Variants in SLC2A9 observed in about 807,000 individuals in gnomAD.
SLC2A9 encodes solute carrier family 2 member 9.
A neutral mutation model predicts 50.6 loss-of-function variants in SLC2A9; 39 were observed. That is an observed-to-expected ratio of 0.77 (90% CI 0.60 to 1.01). The LOEUF (loss-of-function observed/expected upper bound fraction) is 1.01. Among genes scored for constraint, SLC2A9 ranks in the 50% least tolerant of loss-of-function variants. SLC2A9 has a pLI of 0.00. For synonymous variants in SLC2A9, 324 were observed against 276.9 expected, an observed-to-expected ratio of 1.17 and a Z score of -1.69; for missense variants, 686 against 677.6, an observed-to-expected ratio of 1.01 and a Z score of -0.14.
Position 9,826,480 on chromosome 4 carries a change from A to G in SLC2A9, c.1540T>C (p.Phe514Leu). 1 of 1,614,042 alleles carries G rather than the reference A, an allele frequency of 6.2e-7. No homozygotes were observed. The highest frequency in any genetic ancestry group is 8.5e-7 in the Non-Finnish European group (1 of 1,179,972). ...NRTYAEISQA[F>L]SKRNKAYPPE... ...GGGTATGCTTTGTTCCTTTTGGAAA[A>G]TGCCTGGCTGATTTCTGCATAGGTT... The change falls in exon 12 of 12, where the codon TTT becomes CTT. Residue 514 changes from phenylalanine (F) to leucine (L), a missense_variant. Coordinates refer to ENST00000264784, the MANE Select transcript of SLC2A9 (RefSeq NM_020041.3).
intron 7 of SLC2A9, among the ~76,000 whole-genome samples, chr4:9,915,787 T>A (rs1742750607): frequency 1.3e-5 from 2 of 152,228 alleles, no homozygotes; most frequent in African/African-American, 4.8e-5. Flanking sequence ...TGAGATGGTC[T>A]CCACTTTTAT....
chr4:9,891,788 T>C (rs1007510570), intron 8 of SLC2A9, among the ~76,000 whole-genome samples: 1 of 152,120 alleles, frequency 6.6e-6, no homozygotes, highest in African/African-American at 2.4e-5. Context: ...TGTGGAGAGC[T>C]TGTCAGGCAG....
intron 3 of SLC2A9, among the ~76,000 whole-genome samples, chr4:9,815,118 C>T (rs1466457642): frequency 6.6e-6 from 1 of 152,148 alleles, no homozygotes; most frequent in Admixed American, 6.5e-5. Context: ...GCATCATACA[C>T]AATAGTGTGA....
intron 10 of SLC2A9, among the ~76,000 whole-genome samples, chr4:9,866,032 C>T (rs1732406301): frequency 6.6e-6 from 1 of 152,094 alleles, no homozygotes; most frequent in Admixed American, 6.5e-5. Flanking sequence ...GGTTTCATTC[C>T]TCAAGCCATT....
downstream of SLC2A9, among the ~76,000 whole-genome samples, chr4:9,776,010 G>A (rs904883016): frequency 2.0e-5 from 3 of 151,882 alleles, no homozygotes; most frequent in Non-Finnish European, 2.9e-5. Flanking sequence ...CATCACTTCC[G>A]CTCACATTCT....
chr4:9,942,045 C>G lies in SLC2A9; in HGVS notation c.682G>C (p.Glu228Gln), dbSNP rs781643429. The change falls in exon 6 of 12, where the codon GAG (glutamate) becomes CAG (glutamine). Residue 228 changes from glutamate (E) to glutamine (Q), a missense_variant and splice_region_variant. Coordinates refer to ENST00000264784, the MANE Select transcript of SLC2A9 (RefSeq NM_020041.3). ...CCAAACAGGTATGGCCAGGTACTCTCCTGTGGGAGAAGGAGATGCTGCTGA... is the reference window on the plus strand; with the variant it reads ...CCAAACAGGTATGGCCAGGTACTCTGCTGTGGGAGAAGGAGATGCTGCTGA... ...LLGLPELLGK[E>Q]STWPYLFGVI... 3 of 1,614,042 alleles carry G rather than the reference C, an allele frequency of 1.9e-6. No individual in the cohort carries two copies. Among genetic ancestry groups the G allele is most frequent in the Admixed American group, 3.3e-5 (2 of 60,028 alleles).
At chr4:10,015,368 T>C (rs758030832) in intron 2 of SLC2A9, among the ~76,000 whole-genome samples, 8 of 152,300 alleles carry the variant, frequency 5.3e-5, no homozygotes, top group Non-Finnish European at 7.4e-5. Context: ...GGGTTTGAAT[T>C]CCAACACTGC....
intron 3 of SLC2A9, among the ~76,000 whole-genome samples, chr4:9,807,272 T>A (rs1398521601): frequency 6.6e-6 from 1 of 152,204 alleles, no homozygotes. Context: ...CCATGCTGTG[T>A]CACATCTCCC....
At chr4:9,928,669 G>A (rs1745346141) in intron 6 of SLC2A9, among the ~76,000 whole-genome samples, 1 of 152,218 alleles carries the variant, frequency 6.6e-6, no homozygotes, top group South Asian at 2.1e-4. Context: ...GGGAGGTGGA[G>A]GTTGCAGTGA....
At chr4:9,992,397 T>C (rs1317438599) in intron 3 of SLC2A9, among the ~76,000 whole-genome samples, 1 of 152,244 alleles carries the variant, frequency 6.6e-6, no homozygotes, top group Non-Finnish European at 1.5e-5. Flanking sequence ...CCGTGCATTG[T>C]AGGATATTTA....
At chr4:9,849,062 C>T (rs1206364301) in intron 10 of SLC2A9, among the ~76,000 whole-genome samples, 1 of 152,106 alleles carries the variant, frequency 6.6e-6, no homozygotes, top group African/African-American at 2.4e-5. Context: ...TCAGTGAGAG[C>T]CTGGGCTGCG....
chr4:9,859,438 G>A (rs902678834), intron 10 of SLC2A9, among the ~76,000 whole-genome samples: 1 of 152,212 alleles, frequency 6.6e-6, no homozygotes, highest in African/African-American at 2.4e-5. Context: ...TACAAATGAG[G>A]AAACTAAGGC....
At chr4:9,960,878 G>A (rs758536119) in intron 5 of SLC2A9, among the ~76,000 whole-genome samples, 2 of 152,106 alleles carry the variant, frequency 1.3e-5, no homozygotes, top group African/African-American at 2.4e-5. Context: ...ACCCAAATTC[G>A]GGAGCCTTCA....
At chr4:9,926,522 G>C (rs1282160121) in intron 6 of SLC2A9, among the ~76,000 whole-genome samples, 1 of 151,662 alleles carries the variant, frequency 6.6e-6, no homozygotes, top group East Asian at 1.9e-4. Flanking sequence ...CCTCAGAACG[G>C]TATCTGGCTC....
intron 6 of SLC2A9, 130 bp from the exon 7 acceptor site, chr4:9,920,702 CCT>C: frequency 9.7e-7 from 1 of 1,026,132 alleles, no homozygotes; most frequent in Non-Finnish European, 1.5e-6. Context: ...TTGGCAGGGG[CCT>C]TTGAAACTAT....
chr4:9,985,887 G>A (rs1756632674), intron 3 of SLC2A9, 94 bp from the exon 4 acceptor site: 1 of 1,566,848 alleles, frequency 6.4e-7, no homozygotes, highest in Non-Finnish European at 8.7e-7. Flanking sequence ...CCCTTCTGAA[G>A]GGTGAGTAGA....
intron 10 of SLC2A9, among the ~76,000 whole-genome samples, chr4:9,886,646 G>C (rs1233192178): frequency 2.0e-5 from 3 of 152,054 alleles, no homozygotes; most frequent in Non-Finnish European, 4.4e-5. Context: ...CACAAAGGGA[G>C]AAACAGAAGT....
chr4:9,886,285 C>G (rs529713412), intron 10 of SLC2A9, among the ~76,000 whole-genome samples: 43 of 152,366 alleles, frequency 2.8e-4, no homozygotes, highest in African/African-American at 9.9e-4. Flanking sequence ...TGCAGATGCC[C>G]TGGAAGACTA....
intron 10 of SLC2A9, among the ~76,000 whole-genome samples, chr4:9,886,701 A>G (rs898021619): frequency 6.6e-6 from 1 of 152,094 alleles, no homozygotes; most frequent in Non-Finnish European, 1.5e-5. Context: ...TGCATCCACC[A>G]AGAAACACAA....
Sources: gnomAD v4.1 joint callset for allele counts (sites outside exome capture counted in the v4.1 genomes callset) on GRCh38, gnomAD v4.1.1 for gene constraint, MANE v1.5 for transcripts, NCBI Gene and HGNC (gene_info 2026-07-23, HGNC 2026-07-21) for gene names.